Variants in DYNC2H1 observed in about 807,000 individuals in gnomAD.
DYNC2H1 encodes the protein dynein cytoplasmic 2 heavy chain 1, also known as cytoplasmic dynein 2 heavy chain 1.
DYNC2H1 carries 410 observed loss-of-function variants against 570.0 expected under a neutral mutation model. That is an observed-to-expected ratio of 0.72 (90% CI 0.66 to 0.78). The LOEUF (loss-of-function observed/expected upper bound fraction) is 0.78, where lower values mean the gene tolerates loss of function less well. Among genes scored for constraint, DYNC2H1 ranks in the 30% least tolerant of loss-of-function variants. The pLI, the probability that DYNC2H1 is intolerant of heterozygous loss-of-function variation, is 0.00. For missense variants in DYNC2H1, 4,865 were observed against 5,046.4 expected (o/e 0.96, Z 1.09); for synonymous variants, 1,688 against 1,677.6 (o/e 1.01, Z -0.15).
rs1038812640 is a variant in DYNC2H1 at position 103,371,879 on chromosome 11, A to G, written c.12156+13520A>G. Reference sequence around the variant, plus strand: ...TTTAGAGTTTTCTGTATATAAGATCATGTTGTCAGCAAATAGGAACAATTT... The same window carrying G: ...TTTAGAGTTTTCTGTATATAAGATCGTGTTGTCAGCAAATAGGAACAATTT... On this transcript the variant is annotated intron_variant, in intron 83 of 88. Transcript: ENST00000375735. Among the ~76,000 whole-genome samples the G allele has an allele frequency of 2.1e-5, 3 of 141,836 alleles. No homozygotes were observed. In the South Asian group the frequency reaches 6.6e-4, roughly 31 times the overall value. The allele number at this position is 141,836 out of a possible 152,430, so 93.0% of individuals were successfully genotyped here.
chr11:103,445,439 G>A (rs1391905186), intron 85 of DYNC2H1, among the ~76,000 whole-genome samples: 1 of 152,144 alleles, frequency 6.6e-6, no homozygotes, highest in Non-Finnish European at 1.5e-5. Context: ...GAATATTAAT[G>A]TGAGTAAACA....
chr11:103,309,182 T>TTTTTTTTTTTTTTTTTTTTTTC (rs1867450660), intron 78 of DYNC2H1, among the ~76,000 whole-genome samples: 1 of 118,888 alleles, frequency 8.4e-6, no homozygotes, highest in Non-Finnish European at 1.8e-5. Flanking sequence ...TTTTTTTTTT[T>TTTTTTTTTTTTTTTTTTTTTTC]TTTTTTTTTT....
chr11:103,188,748 A>G, intron 44 of DYNC2H1, 100 bp downstream of exon 44: 1 of 1,010,478 alleles, frequency 9.9e-7, no homozygotes. Flanking sequence ...AATTTAGAAT[A>G]TAAAAATGGT....
At chr11:103,294,430 A>T (rs192998132) in intron 75 of DYNC2H1, among the ~76,000 whole-genome samples, 9 of 152,174 alleles carry the variant, frequency 5.9e-5, no homozygotes, top group Admixed American at 2.6e-4. Flanking sequence ...TTTTAGCACT[A>T]TTGGGAACCC....
rs1414666433 is a variant in DYNC2H1 at position 103,261,383 on chromosome 11, C to A, written c.10695+1406C>A. Among the ~76,000 whole-genome samples the A allele has an allele frequency of 1.3e-5, 2 of 152,196 alleles. No individual in the cohort carries two copies. The highest frequency in any genetic ancestry group is 2.4e-5 in the African/African-American group (1 of 41,460). On this transcript the variant is annotated intron_variant, in intron 70 of 88. Transcript: ENST00000375735. This position sits in a 1 kb window ranked among gnomAD's most constrained non-coding sequence, Gnocchi z 4.8. Reference sequence around the variant, plus strand: ...TTGCCTTCTCAAGTGGGTCCCTGACCCCTGTGCCTCCTGACTGGGAGACAC... The same window carrying A: ...TTGCCTTCTCAAGTGGGTCCCTGACACCTGTGCCTCCTGACTGGGAGACAC...
chr11:103,328,562 G>T (rs1938612841), intron 82 of DYNC2H1, among the ~76,000 whole-genome samples: 1 of 152,126 alleles, frequency 6.6e-6, no homozygotes. Flanking sequence ...ATTGCATCAG[G>T]TATTTGATGA....
chr11:103,379,321 G>C (rs1164938292), intron 83 of DYNC2H1, among the ~76,000 whole-genome samples: 2 of 152,166 alleles, frequency 1.3e-5, no homozygotes, highest in African/African-American at 2.4e-5. Context: ...TCAAACACAA[G>C]ATTTGGAAGT....
chr11:103,459,958 C>CCAAAAAAA lies in DYNC2H1; in HGVS notation c.12648+3602_12648+3603insCAAAAAAA, dbSNP rs1555140355. 2.8e-5 allele frequency among the ~76,000 whole-genome samples: 2 copies of CCAAAAAAA among 70,854 alleles called. 1 individual carries two copies. Among genetic ancestry groups the CCAAAAAAA allele is most frequent in the African/African-American group, 1.3e-4 (2 of 15,342 alleles). The allele number at this position is 70,854 out of a possible 152,430, so 46.5% of individuals were successfully genotyped here. ...TGGGCGACAGAGCGAGACTCCGTCT[C>CCAAAAAAA]AAAAAAAAAAGAAAAAAAAAAAAAA... is the stretch of plus-strand genomic sequence containing the variant. On this transcript the variant is annotated intron_variant, in intron 87 of 88. Transcript: ENST00000375735.
In DYNC2H1 at chr11:103,113,588, C is replaced by G. The variant is rs769375569; in HGVS notation, c.247C>G (p.Pro83Ala). 3.9e-5 allele frequency: 61 copies of G among 1,577,904 alleles called. No individual in the cohort carries two copies. The highest frequency in any genetic ancestry group is 5.1e-5 in the Non-Finnish European group (60 of 1,166,674). ...AGTGCTGGTGTTTTTCAAGCTGCGA[C>G]CTGAAGTAATTACTGATGAGAATCT... is the stretch of plus-strand genomic sequence containing the variant. ...DKVLVFFKLRPEVITDENLHD... is the reference protein window; with the variant it reads ...DKVLVFFKLRAEVITDENLHD... The change falls in exon 2 of 89, where the codon CCT (proline) becomes GCT (alanine). Residue 83 changes from proline to alanine, a missense_variant. Around this residue, in one of 5 missense-constraint regions of DYNC2H1, gnomAD observed 1,936 missense variants for 1,962.1 expected, o/e 0.99. Transcript: ENST00000375735.
intron 84 of DYNC2H1, among the ~76,000 whole-genome samples, chr11:103,409,099 A>T (rs1024290910): frequency 2.0e-5 from 3 of 152,176 alleles, no homozygotes; most frequent in Admixed American, 6.6e-5. Context: ...GTCACTGGGG[A>T]CATGTCTAAT....
At chr11:103,376,660 T>C (rs992731276) in intron 83 of DYNC2H1, among the ~76,000 whole-genome samples, 15 of 152,354 alleles carry the variant, frequency 9.8e-5, no homozygotes, top group Admixed American at 7.2e-4. Flanking sequence ...CCACTATTTG[T>C]AGCTGCTGTT....
chr11:103,316,840 A>G (rs1349800440), intron 80 of DYNC2H1, among the ~76,000 whole-genome samples: 6 of 148,116 alleles, frequency 4.1e-5, no homozygotes, highest in Admixed American at 2.9e-4. Context: ...AAGTCTAGAA[A>G]GACCTTGTTT....
Position 103,129,101 on chromosome 11 carries a change from G to C in DYNC2H1, c.1953+96G>C. On this transcript the variant is annotated intron_variant, in intron 13 of 88. Transcript: ENST00000375735. This position sits in a 1 kb window ranked among gnomAD's most constrained non-coding sequence, Gnocchi z 4.1. The stretch of plus-strand genomic sequence containing the variant: ...TTCCCTTCAGCTTAATATATCAAAT[G>C]ATCTAGATTTTGTTTTGCTTCCAGG... 1 of 1,048,994 alleles carries C rather than the reference G, an allele frequency of 9.5e-7. No homozygotes were observed. 65.0% of individuals were successfully genotyped at this position (1,048,994 alleles called of 1,614,324 possible).
chr11:103,437,089 C>T (rs1038247995), intron 85 of DYNC2H1, among the ~76,000 whole-genome samples: 1 of 152,088 alleles, frequency 6.6e-6, no homozygotes, highest in East Asian at 1.9e-4. Flanking sequence ...TGATGTTCTT[C>T]ACTCTTTCTT....
chr11:103,141,917 T>C (rs2514005), intron 17 of DYNC2H1, among the ~76,000 whole-genome samples: 150,823 of 152,268 alleles, frequency 0.99, 74,745 homozygotes, highest in African/African-American at 1. Flanking sequence ...CAATGGCGGG[T>C]GCCCCTCCCA....
intron 45 of DYNC2H1, among the ~76,000 whole-genome samples, chr11:103,191,044 T>C (rs916722236): frequency 3.4e-4 from 1 of 2,978 alleles, no homozygotes; most frequent in Non-Finnish European, 6.9e-4. Context: ...TTTCTTTTTC[T>C]TTTTTTTTTT....
intron 25 of DYNC2H1, 54 bp downstream of exon 25, chr11:103,155,555 T>A (rs1258434178): frequency 2.7e-6 from 4 of 1,494,072 alleles, no homozygotes; most frequent in Non-Finnish European, 3.6e-6. Context: ...TAATATACAA[T>A]ATTGCTTCAT....
rs924677965 is a variant in DYNC2H1, at chr11:103,261,888, A to G, written c.10695+1911A>G. 2.6e-5 allele frequency among the ~76,000 whole-genome samples: 4 copies of G among 152,166 alleles called. No homozygotes were observed. The highest frequency in any genetic ancestry group is 1.3e-4 in the Admixed American group (2 of 15,288). On this transcript the variant is annotated intron_variant, in intron 70 of 88. Transcript: ENST00000375735. The surrounding 1 kb of genome is among the most constrained non-coding windows in gnomAD (Gnocchi z 4.8). Reference sequence around the variant, plus strand: ...AGAAGTAGGCTTCAGAAGGTGGGTAATAACAGACTCCTCCAAGCTAAAGGA... The same window carrying G: ...AGAAGTAGGCTTCAGAAGGTGGGTAGTAACAGACTCCTCCAAGCTAAAGGA...
chr11:103,286,234 A>G (rs1409859990), intron 73 of DYNC2H1, 21 bp from the exon 74 acceptor site: 20 of 1,607,968 alleles, frequency 1.2e-5, no homozygotes, highest in Non-Finnish European at 1.6e-5. Context: ...CTCACTGTAT[A>G]TGGCCATTTT....
Sources: gnomAD v4.1 joint callset for allele counts (sites outside exome capture counted in the v4.1 genomes callset) on GRCh38, gnomAD v4.1.1 for gene constraint, gnomAD v4.1.1 regional missense constraint, Gnocchi (gnomAD v3.1) non-coding constraint, MANE v1.5 for transcripts, NCBI Gene and HGNC (gene_info 2026-07-23, HGNC 2026-07-21) for gene names.